NIBAN3: variants seen among roughly 807,000 people sequenced by gnomAD.
The protein encoded by NIBAN3 is protein Niban 3.
NIBAN3 carries 66 observed loss-of-function variants against 76.4 expected under a neutral mutation model. The observed-to-expected ratio is 0.86, with a 90% CI of 0.71 to 1.06. The LOEUF (loss-of-function observed/expected upper bound fraction) is 1.06. Ranked by LOEUF, NIBAN3 falls within the 50% of genes least tolerant of loss-of-function variation. NIBAN3 has a pLI of 0.00. For synonymous variants in NIBAN3, 360 were observed against 355.2 expected, an observed-to-expected ratio of 1.01 and a Z score of -0.15; for missense variants, 808 against 810.7, an observed-to-expected ratio of 1.00 and a Z score of 0.04.
intron 5 of NIBAN3, 147 bp from the exon 6 acceptor site, chr19:17,539,003 C>T (rs2144721364): frequency 1.5e-6 from 1 of 647,448 alleles, no homozygotes; most frequent in Non-Finnish European, 2.6e-6. Context: ...GACTGTGTTC[C>T]CTGTGGAGGG....
At chr19:17,554,072 C>T (rs1470800517), downstream of NIBAN3, among the ~76,000 whole-genome samples, 1 of 152,002 alleles carries the variant, frequency 6.6e-6, no homozygotes, top group East Asian at 1.9e-4. Context: ...GGGGGCTTCA[C>T]CATATTGACC....
chr19:17,551,821 T>C lies in NIBAN3; in HGVS notation c.1786T>C (p.Cys596Arg), dbSNP rs1195829216. 5.1e-6 allele frequency: 4 copies of C among 780,182 alleles called. No individual in the cohort carries two copies. The African/African-American group carries it at 6.8e-5, about 13-fold the overall frequency. 48.3% of individuals were successfully genotyped at this position (780,182 alleles called of 1,614,324 possible). ...ETEAEREGGACPRQPDSGAQI... is the reference protein window; with the variant it reads ...ETEAEREGGARPRQPDSGAQI... ...TGAGGCTGAGCGGGAAGGAGGGGCT[T>C]GTCCCAGGCAGCCAGACTCTGGTGC... Residue 596 changes from cysteine to arginine, a missense_variant, in exon 15 of 15, where the codon TGT becomes CGT. Transcript: ENST00000599164.
Position 17,530,898 on chromosome 19 carries a change from G to A in NIBAN3, c.186+13G>A. 2 of 1,611,666 alleles carry A rather than the reference G, an allele frequency of 1.2e-6. No homozygotes were observed. Among genetic ancestry groups the A allele is most frequent in the Non-Finnish European group, 1.7e-6 (2 of 1,179,164 alleles). ...GCTACGCAGCAAAGTGGGTGTTGTG[G>A]GGGCAGAGGACGTTTGAGTGTTAGG... On this transcript the variant is annotated intron_variant, in intron 2 of 14. Transcript: ENST00000599164.
intron 1 of NIBAN3, among the ~76,000 whole-genome samples, chr19:17,530,065 G>C (rs59851281): frequency 6.8e-6 from 1 of 146,932 alleles, no homozygotes; most frequent in Non-Finnish European, 1.5e-5. Flanking sequence ...TCAAAAAAAA[G>C]AAAAAAAAGT....
At position 17,543,864 on chromosome 19, in the gene NIBAN3, C is replaced by T. The variant is rs138453764; in HGVS notation, c.1554+233C>T. The T allele has an allele frequency of 1.9e-3, 583 of 313,118 alleles. 5 individuals carry two copies. Among genetic ancestry groups the T allele is most frequent in the African/African-American group, 8.6e-3 (399 of 46,202 alleles). 19.4% of individuals were successfully genotyped at this position (313,118 alleles called of 1,614,324 possible). ...AAAATTAGCCAGGCATGGTGATGGGCGCCTGTAATTCCAGCTACTCAGGAG... is the reference window on the plus strand; with the variant it reads ...AAAATTAGCCAGGCATGGTGATGGGTGCCTGTAATTCCAGCTACTCAGGAG... On this transcript the variant is annotated intron_variant, in intron 12 of 14. Transcript: ENST00000599164.
upstream of NIBAN3, among the ~76,000 whole-genome samples, chr19:17,524,189 C>A (rs1438764364): frequency 3.3e-5 from 5 of 152,022 alleles, no homozygotes; most frequent in East Asian, 1.9e-4. Flanking sequence ...CTGCGCCCAA[C>A]TCCTCGCTTC....
At chr19:17,531,505 C>T (rs1048929827) in intron 2 of NIBAN3, among the ~76,000 whole-genome samples, 14 of 152,084 alleles carry the variant, frequency 9.2e-5, no homozygotes, top group African/African-American at 3.4e-4. Context: ...TAGAAGACTC[C>T]AAACAAGTTA....
rs2076179976 is a variant in NIBAN3, at chr19:17,553,034, C to T, written c.*1136C>T. The T allele has an allele frequency of 3.9e-6, 1 of 259,586 alleles. No individual in the cohort carries two copies. The highest frequency in any genetic ancestry group is 7.4e-6 in the Non-Finnish European group (1 of 134,626). The allele number at this position is 259,586 out of a possible 1,614,324, so 16.1% of individuals were successfully genotyped here. A position where few individuals can be genotyped will look rare whatever the true frequency, so the allele number is the denominator to read the frequency against. On this transcript the variant is annotated 3_prime_UTR_variant, in exon 15 of 15. Transcript: ENST00000599164. Reference sequence around the variant, plus strand: ...AGGCTGCAGTGAGTGGTGATTGCACCACTGCACTCCAGCCTGGGTGATGGG... The same window carrying T: ...AGGCTGCAGTGAGTGGTGATTGCACTACTGCACTCCAGCCTGGGTGATGGG...
chr19:17,532,838 G>T (rs2075754683), intron 3 of NIBAN3, among the ~76,000 whole-genome samples: 1 of 152,076 alleles, frequency 6.6e-6, no homozygotes, highest in Non-Finnish European at 1.5e-5. Context: ...GCCCGTGGGT[G>T]CTGGGAGCTC....
chr19:17,549,662 C>A, intron 14 of NIBAN3, 135 bp downstream of exon 14: 1 of 782,474 alleles, frequency 1.3e-6, no homozygotes, highest in Admixed American at 2.0e-5. Flanking sequence ...TCTCCTTACC[C>A]AGCCAGCCTG....
intron 12 of NIBAN3, 37 bp from the exon 13 acceptor site, chr19:17,546,649 C>G: frequency 6.7e-7 from 1 of 1,490,736 alleles, no homozygotes; most frequent in Admixed American, 2.3e-5. Flanking sequence ...GAGGGGCCCT[C>G]CTCTCCATCC....
downstream of NIBAN3, chr19:17,553,742 A>G (rs960365247): frequency 9.4e-6 from 6 of 635,226 alleles, no homozygotes; most frequent in Non-Finnish European, 1.7e-5. Context: ...CCTTTTGAGA[A>G]AAACATTGTT....
intron 12 of NIBAN3, 82 bp from the exon 13 acceptor site, chr19:17,546,604 A>G: frequency 1.5e-6 from 2 of 1,359,708 alleles, no homozygotes; most frequent in Non-Finnish European, 1.9e-6. Context: ...AATCAGGCCC[A>G]GGGCTAGGGC....
chr19:17,533,992 G>A (rs907492359), intron 4 of NIBAN3, among the ~76,000 whole-genome samples: 9 of 152,226 alleles, frequency 5.9e-5, no homozygotes, highest in East Asian at 1.9e-4. Flanking sequence ...TTGCAAGGGT[G>A]AGGGGGAGAG....
intron 14 of NIBAN3, 140 bp from the exon 15 acceptor site, chr19:17,551,646 C>T: frequency 2.0e-6 from 1 of 495,526 alleles, no homozygotes; most frequent in Non-Finnish European, 3.7e-6. Flanking sequence ...GATCCTTGGT[C>T]TCCCAGAGTG....
At chr19:17,530,954 A>T in intron 2 of NIBAN3, 69 bp downstream of exon 2, 3 of 1,537,236 alleles carry the variant, frequency 2.0e-6, no homozygotes, top group Non-Finnish European at 1.8e-6. Flanking sequence ...TCCCTAGGCC[A>T]TGCTTCCAAC....
intron 5 of NIBAN3, among the ~76,000 whole-genome samples, chr19:17,538,740 AAGAAAG>A (rs779679231): frequency 1.9e-3 from 104 of 53,912 alleles, no homozygotes; most frequent in Non-Finnish European, 4.1e-3. Context: ...GCAAGAAAGA[AAGAAAG>A]AGAAAGAAAG....
Position 17,527,993 on chromosome 19 carries a change from CTG to C in NIBAN3, c.55+599_55+600del, listed in dbSNP as rs1438881381. 2.3e-3 allele frequency among the ~76,000 whole-genome samples: 342 copies of C among 150,862 alleles called. 2 individuals are homozygous for C. Among genetic ancestry groups the C allele is most frequent in the African/African-American group, 7.7e-3 (315 of 41,106 alleles). ...ACAGGCGGGAGCCACTGTGTCCAGCCTGCATCTTATTTTTAGTATAAGTGTAT... is the reference window on the plus strand; with the variant it reads ...ACAGGCGGGAGCCACTGTGTCCAGCCCATCTTATTTTTAGTATAAGTGTAT... On this transcript the variant is annotated intron_variant, in intron 1 of 14. Transcript: ENST00000599164.
chr19:17,536,887 A>G (rs1468219202), intron 4 of NIBAN3, among the ~76,000 whole-genome samples: 2 of 152,122 alleles, frequency 1.3e-5, no homozygotes, highest in East Asian at 1.9e-4. Context: ...CTGTAATCCT[A>G]GTACTTTGGG....
Sources: gnomAD v4.1 joint callset for allele counts (sites outside exome capture counted in the v4.1 genomes callset) on GRCh38, gnomAD v4.1.1 for gene constraint, MANE v1.5 for transcripts, NCBI Gene and HGNC (gene_info 2026-07-23, HGNC 2026-07-21) for gene names.